TMOD3: variants seen among roughly 807,000 people sequenced by gnomAD.
TMOD3 encodes tropomodulin-3.
A neutral mutation model predicts 39.2 loss-of-function variants in TMOD3; 20 were observed. That is an observed-to-expected ratio of 0.51 (90% CI 0.36 to 0.74). The LOEUF is 0.74. TMOD3 is among the 30% of genes least tolerant of loss of function. The probability of loss-of-function intolerance (pLI) is 0.00; values close to 1 mark genes in which losing one functional copy is unlikely to be tolerated. For synonymous variants in TMOD3, 143 were observed against 145.8 expected (o/e 0.98, Z 0.14); for missense variants, 381 against 412.8 (o/e 0.92, Z 0.67).
At chr15:51,908,750 C>T (rs530504000) in intron 9 of TMOD3, 26 bp from the exon 10 acceptor site, 2 of 1,577,012 alleles carry the variant, frequency 1.3e-6, no homozygotes, top group Non-Finnish European at 1.7e-6. Context: ...GGATTTCTAA[C>T]ATAGTTTCTT....
Position 51,857,765 on chromosome 15 carries a change from TA to T in TMOD3, c.-74-5037del, listed in dbSNP as rs953536461. On this transcript the variant is annotated intron_variant, in intron 1 of 9. Coordinates refer to ENST00000308580, the MANE Select transcript of TMOD3 (RefSeq NM_014547.5). Reference sequence around the variant, plus strand: ...TTTAAAACAGTAATTATCCAAACATTAAAAAAAAAGCATGAATTAAATTATT... The same window carrying T: ...TTTAAAACAGTAATTATCCAAACATTAAAAAAAAGCATGAATTAAATTATT... Among the ~76,000 whole-genome samples the T allele has an allele frequency of 3.9e-3, 585 of 150,714 alleles. 5 individuals are homozygous for T. Among genetic ancestry groups the T allele is most frequent in the African/African-American group, 9.0e-3 (369 of 41,200 alleles).
At chr15:51,897,796 AAAC>A (rs1232369459) in intron 7 of TMOD3, among the ~76,000 whole-genome samples, 3 of 150,698 alleles carry the variant, frequency 2.0e-5, no homozygotes, top group African/African-American at 2.4e-5. Flanking sequence ...AAAAAAAAAA[AAAC>A]AAAAAACTAA....
Position 51,852,619 on chromosome 15 carries a change from C to T in TMOD3, c.-74-10192C>T, listed in dbSNP as rs144848978. Among the ~76,000 whole-genome samples, 11 of 152,070 alleles carry T rather than the reference C, an allele frequency of 7.2e-5. No homozygotes were observed. In the East Asian group the frequency reaches 1.7e-3, roughly 24 times the overall value. On this transcript the variant is annotated intron_variant, in intron 1 of 9. Transcript: ENST00000308580. ...GGAAGTATCAAAAATTCATTTTCAG[C>T]CCCCCCTTTAGTTGTGATAAGGGGA...
At chr15:51,896,715 C>T (rs775150554) in intron 7 of TMOD3, among the ~76,000 whole-genome samples, 189 bp downstream of exon 7, 3 of 152,024 alleles carry the variant, frequency 2.0e-5, no homozygotes, top group Admixed American at 6.6e-5. Flanking sequence ...TTTTCCCCCT[C>T]CCAGCTTCCC....
At chr15:51,857,990 T>C (rs977576414) in intron 1 of TMOD3, 1 of 152,228 alleles carries the variant, frequency 6.6e-6, no homozygotes, top group Non-Finnish European at 1.5e-5. Flanking sequence ...TTGAATCTTA[T>C]CTGAAGACTG....
At chr15:51,887,928 T>C (rs2056573476) in intron 4 of TMOD3, among the ~76,000 whole-genome samples, 1 of 152,170 alleles carries the variant, frequency 6.6e-6, no homozygotes, top group Non-Finnish European at 1.5e-5. Context: ...ATTAAGAAAA[T>C]GTATTGTATT....
At position 51,846,411 on chromosome 15, in the gene TMOD3, T is replaced by C. The variant is rs117618111; in HGVS notation, c.-74-16400T>C. 3.9e-3 allele frequency among the ~76,000 whole-genome samples: 597 copies of C among 152,346 alleles called. 5 individuals carry two copies. The highest frequency in any genetic ancestry group is 6.8e-3 in the Middle Eastern group (2 of 294). ...TGAAACTGAGGAAAAATAATACCTT[T>C]TGTTCACTGCGTAACATTCAACTTG... is the stretch of plus-strand genomic sequence containing the variant. On this transcript the variant is annotated intron_variant, in intron 1 of 9. Transcript: ENST00000308580.
intron 1 of TMOD3, among the ~76,000 whole-genome samples, chr15:51,840,901 A>G (rs1220899151): frequency 2.0e-5 from 3 of 152,216 alleles, no homozygotes; most frequent in Non-Finnish European, 4.4e-5. Context: ...ATCACCTAAT[A>G]TCACTTAATT....
In TMOD3 at chr15:51,869,358, ACTGG is replaced by A. The variant is rs1401837891; in HGVS notation, c.269_272del (p.Thr90LysfsTer29). 6.2e-7 allele frequency: 1 copy of A among 1,611,232 alleles called. No homozygotes were observed. Among genetic ancestry groups the A allele is most frequent in the Admixed American group, 1.7e-5 (1 of 59,110 alleles). On this transcript the variant is annotated frameshift_variant, in exon 3 of 10. Transcript: ENST00000308580. LOFTEE classifies it high-confidence loss of function. ...AGACAGGGAAGACTATGTGCCCTAC[ACTGG>A]AGAAAAAAAAGGTAAGCCCCAGAAT...
intron 1 of TMOD3, among the ~76,000 whole-genome samples, chr15:51,840,488 C>A (rs186762121): frequency 1.1e-4 from 16 of 152,164 alleles, no homozygotes; most frequent in African/African-American, 3.9e-4. Flanking sequence ...CATATCAATC[C>A]CATGAGATGG....
At position 51,878,272 on chromosome 15, in the gene TMOD3, C is replaced by G. The variant is rs1253817337; in HGVS notation, c.283+8899C>G. ...TCTGGCCAGGTATGGTAACTCATGC[C>G]TGTAATCCAAGCCCTTTGGGAGGCT... On this transcript the variant is annotated intron_variant, in intron 3 of 9. Transcript: ENST00000308580. Among the ~76,000 whole-genome samples the G allele has an allele frequency of 2.6e-5, 4 of 152,296 alleles. No homozygotes were observed. The East Asian group carries it at 7.7e-4, about 29-fold the overall frequency.
At chr15:51,843,848 C>T (rs1435809394) in intron 1 of TMOD3, among the ~76,000 whole-genome samples, 2 of 151,578 alleles carry the variant, frequency 1.3e-5, no homozygotes, top group African/African-American at 2.4e-5. Flanking sequence ...TATATAATTA[C>T]ATATTTCTTA....
At chr15:51,873,808 G>C (rs1328263861) in intron 3 of TMOD3, among the ~76,000 whole-genome samples, 2 of 151,942 alleles carry the variant, frequency 1.3e-5, no homozygotes, top group Non-Finnish European at 2.9e-5. Context: ...TTTTAGTAGA[G>C]ACGGGGTTTC....
intron 9 of TMOD3, among the ~76,000 whole-genome samples, chr15:51,904,655 A>G (rs1182903751): frequency 1.3e-5 from 2 of 152,172 alleles, no homozygotes; most frequent in Admixed American, 6.5e-5. Flanking sequence ...TGACCTTTGC[A>G]AGGCTTCAGC....
chr15:51,840,433 C>G (rs928419543), intron 1 of TMOD3, among the ~76,000 whole-genome samples: 1 of 152,102 alleles, frequency 6.6e-6, no homozygotes, highest in Non-Finnish European at 1.5e-5. Flanking sequence ...GTGTTAGGTA[C>G]TGTTCTAAGT....
chr15:51,908,710 T>C (rs1254998411), intron 9 of TMOD3, 66 bp from the exon 10 acceptor site: 3 of 1,348,236 alleles, frequency 2.2e-6, no homozygotes, highest in Middle Eastern at 1.9e-4. Flanking sequence ...TTGCTTGTTA[T>C]AAGCAAGTTA....
intron 6 of TMOD3, among the ~76,000 whole-genome samples, chr15:51,895,007 A>G (rs1335499453): frequency 6.6e-6 from 1 of 152,176 alleles, no homozygotes; most frequent in Admixed American, 6.6e-5. Context: ...AACTCAAATT[A>G]TCTAGATATT....
Position 51,910,666 on chromosome 15 carries a change from G to A in TMOD3, c.*1856G>A, listed in dbSNP as rs1367264081. The A allele has an allele frequency of 3.3e-5, 5 of 152,102 alleles. No individual in the cohort carries two copies. The highest frequency in any genetic ancestry group is 1.2e-4 in the African/African-American group (5 of 41,428). The allele number at this position is 152,102 out of a possible 1,614,324, so 9.4% of individuals were successfully genotyped here. A position where few individuals can be genotyped will look rare whatever the true frequency, so the allele number is the denominator to read the frequency against. ...GCTGGACAGTTTATCTAATAAGCAA[G>A]GCAGCTTCTTGTGTGCTATGGTAAT... On this transcript the variant is annotated 3_prime_UTR_variant, in exon 10 of 10. Transcript: ENST00000308580.
At chr15:51,905,906 T>TGCAGTGC in intron 9 of TMOD3, among the ~76,000 whole-genome samples, 1 of 116,974 alleles carries the variant, frequency 8.5e-6, no homozygotes, top group East Asian at 2.7e-4. Context: ...ATTGCGCCAC[T>TGCAGTGC]GCAGTCCGCA....
Sources: allele counts gnomAD v4.1 joint callset (sites outside exome capture counted in the v4.1 genomes callset), GRCh38; gene constraint gnomAD v4.1.1; transcripts MANE v1.5; gene names NCBI Gene and HGNC (gene_info 2026-07-23, HGNC 2026-07-21).